PTDSS1: variants seen among roughly 807,000 people sequenced by gnomAD.
PTDSS1 encodes the protein phosphatidylserine synthase 1.
Under a neutral mutation model 70.5 loss-of-function variants are expected in PTDSS1, and 45 were observed. That is an observed-to-expected ratio of 0.64 (90% CI 0.50 to 0.82). The LOEUF (loss-of-function observed/expected upper bound fraction) is 0.82. PTDSS1 is among the 40% of genes least tolerant of loss of function. The probability of loss-of-function intolerance (pLI) is 0.00; values close to 1 mark genes in which losing one functional copy is unlikely to be tolerated. For missense variants in PTDSS1, 417 were observed against 586.1 expected (o/e 0.71, Z 2.98); for synonymous variants, 188 against 203.8 (o/e 0.92, Z 0.66).
intron 4 of PTDSS1, among the ~76,000 whole-genome samples, chr8:96,291,452 C>CTT (rs200644968): frequency 1.6e-3 from 200 of 123,610 alleles, no homozygotes; most frequent in African/African-American, 5.0e-3. Context: ...ATGGGCTTTT[C>CTT]TTTTTTTTTT....
intron 5 of PTDSS1, among the ~76,000 whole-genome samples, chr8:96,296,003 G>T (rs1810968921): frequency 6.6e-6 from 1 of 152,012 alleles, no homozygotes; most frequent in Non-Finnish European, 1.5e-5. Flanking sequence ...GCCTTTTGGA[G>T]CATTTTTTTC....
intron 9 of PTDSS1, among the ~76,000 whole-genome samples, chr8:96,314,600 A>T (rs1330013657): frequency 6.6e-6 from 1 of 151,878 alleles, no homozygotes; most frequent in East Asian, 1.9e-4. Flanking sequence ...AGAAGCTCTG[A>T]CAGTAGTTAC....
chr8:96,297,667 T>A (rs1464769900), intron 5 of PTDSS1, among the ~76,000 whole-genome samples: 1 of 152,130 alleles, frequency 6.6e-6, no homozygotes, highest in Non-Finnish European at 1.5e-5. Flanking sequence ...CTTCACCTGC[T>A]AACAAGCTGT....
chr8:96,325,467 C>T (rs1358302506), intron 10 of PTDSS1, among the ~76,000 whole-genome samples: 2 of 152,146 alleles, frequency 1.3e-5, no homozygotes, highest in Non-Finnish European at 2.9e-5. Flanking sequence ...TGCAGTGAAC[C>T]GCTGGCTTTC....
At chr8:96,319,916 G>A (rs1357224256) in intron 9 of PTDSS1, among the ~76,000 whole-genome samples, 1 of 152,206 alleles carries the variant, frequency 6.6e-6, no homozygotes, top group Non-Finnish European at 1.5e-5. Context: ...GTTTCCCTGT[G>A]CCTGAGAGGG....
In PTDSS1 at chr8:96,309,695, G is replaced by T. The variant is rs1313600683; in HGVS notation, c.1073+73G>T. 3 of 1,453,026 alleles carry T rather than the reference G, an allele frequency of 2.1e-6. No homozygotes were observed. The Admixed American group carries it at 5.2e-5, about 25-fold the overall frequency. 90.0% of individuals were successfully genotyped at this position (1,453,026 alleles called of 1,614,324 possible). On this transcript the variant is annotated intron_variant, in intron 9 of 12. Coordinates refer to ENST00000517309, the MANE Select transcript of PTDSS1 (RefSeq NM_014754.3). Reference sequence around the variant, plus strand: ...TTTTATTTGGGTATTTCTTGACCCTGTGTTAAGAGCCTTTCAGTATAATTT... The same window carrying T: ...TTTTATTTGGGTATTTCTTGACCCTTTGTTAAGAGCCTTTCAGTATAATTT...
chr8:96,321,074 C>T (rs184080785), intron 10 of PTDSS1, among the ~76,000 whole-genome samples: 5 of 152,284 alleles, frequency 3.3e-5, no homozygotes, highest in Admixed American at 3.3e-4. Context: ...ATGTATTGGG[C>T]TTTTTAAATA....
chr8:96,294,786 T>C (rs73698564), intron 4 of PTDSS1, among the ~76,000 whole-genome samples: 92 of 152,350 alleles, frequency 6.0e-4, no homozygotes, highest in African/African-American at 2.2e-3. Context: ...TTTAATATTG[T>C]TGCCCTGTGG....
chr8:96,286,207 G>A (rs904176248), intron 3 of PTDSS1, among the ~76,000 whole-genome samples: 10 of 152,106 alleles, frequency 6.6e-5, no homozygotes, highest in East Asian at 1.9e-4. Context: ...TAAATGTCCC[G>A]CATAAACATT....
chr8:96,262,106 G>C lies in PTDSS1; in HGVS notation c.66G>C (p.Arg22=), dbSNP rs1810412669. 1 of 1,613,828 alleles carries C rather than the reference G, an allele frequency of 6.2e-7. No individual in the cohort carries two copies. The highest frequency in any genetic ancestry group is 1.3e-5 in the African/African-American group (1 of 74,918). Reference sequence around the variant, plus strand: ...ATGTGAACTACAAAATGCATTTCCGGATGATCAACGAGCAGCAAGTGGAGG... The same window carrying C: ...ATGTGAACTACAAAATGCATTTCCGCATGATCAACGAGCAGCAAGTGGAGG... ...KDDVNYKMHF[R]MINEQQVEDI... is the part of the protein sequence containing the mutation. Residue 22 remains arginine, a synonymous_variant, in exon 1 of 13, where the codon CGG becomes CGC. Transcript: ENST00000517309. This position sits in a 1 kb window ranked among gnomAD's most constrained non-coding sequence, Gnocchi z 4.4.
intron 2 of PTDSS1, among the ~76,000 whole-genome samples, chr8:96,274,108 C>T (rs550497777): frequency 2.6e-5 from 4 of 151,874 alleles, no homozygotes; most frequent in East Asian, 1.9e-4. Flanking sequence ...TCGCCGTAGC[C>T]GTAGCCACTT....
chr8:96,271,827 C>T (rs1810570939), intron 1 of PTDSS1, among the ~76,000 whole-genome samples: 2 of 152,132 alleles, frequency 1.3e-5, no homozygotes, highest in African/African-American at 2.4e-5. Flanking sequence ...AGATTTTTTA[C>T]TCTGTGAACA....
chr8:96,282,142 T>A (rs2130040261), intron 2 of PTDSS1, among the ~76,000 whole-genome samples: 2 of 152,316 alleles, frequency 1.3e-5, no homozygotes, highest in Middle Eastern at 6.8e-3. Context: ...AAAGGTTAAT[T>A]TAGTGTTATA....
At chr8:96,288,628 T>TTTTC (rs1810858784) in intron 4 of PTDSS1, among the ~76,000 whole-genome samples, 2 of 135,120 alleles carry the variant, frequency 1.5e-5, no homozygotes, top group African/African-American at 5.9e-5. Context: ...GCTTGGCCTT[T>TTTTC]TTTTTTTTTT....
chr8:96,320,131 G>A, intron 9 of PTDSS1, 115 bp from the exon 10 acceptor site: 1 of 861,964 alleles, frequency 1.2e-6, no homozygotes, highest in Non-Finnish European at 1.9e-6. Context: ...ACCAGTGTTT[G>A]AGGCAGAAAT....
chr8:96,285,370 C>T (rs1478031420), intron 3 of PTDSS1, among the ~76,000 whole-genome samples: 1 of 152,102 alleles, frequency 6.6e-6, no homozygotes, highest in African/African-American at 2.4e-5. Context: ...AGAGAGTCAT[C>T]GGGCACAGAT....
intron 2 of PTDSS1, among the ~76,000 whole-genome samples, chr8:96,277,801 T>G (rs1449272528): frequency 3.3e-5 from 5 of 152,246 alleles, no homozygotes; most frequent in Admixed American, 3.3e-4. Flanking sequence ...TGATTCTTTT[T>G]GTAGAGTCTA....
chr8:96,266,946 CT>C (rs1810495570), intron 1 of PTDSS1, among the ~76,000 whole-genome samples: 1 of 152,050 alleles, frequency 6.6e-6, no homozygotes, highest in Non-Finnish European at 1.5e-5. Flanking sequence ...TGAATGGGCA[CT>C]TGGGTGACTT....
chr8:96,275,176 G>A (rs1279606579), intron 2 of PTDSS1, among the ~76,000 whole-genome samples: 2 of 152,030 alleles, frequency 1.3e-5, no homozygotes, highest in Admixed American at 1.3e-4. Flanking sequence ...ATGGAGTCTT[G>A]CTGTGTTACC....
Sources: allele counts gnomAD v4.1 joint callset (sites outside exome capture counted in the v4.1 genomes callset), GRCh38; gene constraint gnomAD v4.1.1; non-coding constraint Gnocchi (gnomAD v3.1); transcripts MANE v1.5; gene names NCBI Gene and HGNC (gene_info 2026-07-23, HGNC 2026-07-21).